Variants in COL4A2 observed in about 807,000 individuals in gnomAD.
COL4A2 encodes the protein collagen type IV alpha 2 chain.
A neutral mutation model predicts 200.2 loss-of-function variants in COL4A2; 99 were observed. That is an observed-to-expected ratio of 0.49 (90% CI 0.42 to 0.58). COL4A2 has a LOEUF of 0.58. Ranked by LOEUF, COL4A2 falls within the 20% of genes least tolerant of loss-of-function variation. COL4A2 has a pLI of 0.00. For synonymous variants in COL4A2, 897 were observed against 900.6 expected (o/e 1.00, Z 0.07); for missense variants, 1,950 against 2,314.1 (o/e 0.84, Z 3.23).
At position 110,508,547 on chromosome 13, in the gene COL4A2, AC is replaced by A. The variant is rs1883967972; in HGVS notation, c.4881+328del. Among the ~76,000 whole-genome samples the A allele has an allele frequency of 6.6e-6, 1 of 152,242 alleles. No individual in the cohort carries two copies. Among genetic ancestry groups the A allele is most frequent in the Non-Finnish European group, 1.5e-5 (1 of 68,038 alleles). ...CCAAAGGTGCAGCTGCTTTGGGTTT[AC>A]CAGAAGTCTAAATATATGGGAGACT... On this transcript the variant is annotated intron_variant, in intron 47 of 47. Coordinates refer to ENST00000360467, the MANE Select transcript of COL4A2 (RefSeq NM_001846.4). This position sits in a 1 kb window ranked among gnomAD's most constrained non-coding sequence, Gnocchi z 6.1.
At chr13:110,510,069 G>C (rs1884034745) in intron 47 of COL4A2, among the ~76,000 whole-genome samples, 1 of 152,200 alleles carries the variant, frequency 6.6e-6, no homozygotes, top group Non-Finnish European at 1.5e-5. Context: ...AGGGCTGCTG[G>C]CATCTCAGCA....
chr13:110,355,855 T>C (rs9521712), intron 3 of COL4A2, among the ~76,000 whole-genome samples: 2,017 of 30,184 alleles, frequency 0.067, 342 homozygotes, highest in African/African-American at 0.27. Context: ...GGGAGGGCTG[T>C]ACTAGCTCAC....
chr13:110,436,502 A>G, intron 13 of COL4A2, 135 bp downstream of exon 13: 6 of 1,206,760 alleles, frequency 5.0e-6, no homozygotes, highest in East Asian at 2.6e-5. Flanking sequence ...CCATGAAAAC[A>G]TAACCGGGTC....
intron 4 of COL4A2, among the ~76,000 whole-genome samples, chr13:110,420,970 G>A (rs1880227673): frequency 6.6e-6 from 1 of 152,190 alleles, no homozygotes; most frequent in Non-Finnish European, 1.5e-5. Context: ...CTCTCAGCGG[G>A]GAAGCTGGAT....
At position 110,392,585 on chromosome 13, in the gene COL4A2, C is replaced by A. The variant is rs371354421; in HGVS notation, c.181-32149C>A. On this transcript the variant is annotated intron_variant, in intron 4 of 47. Transcript: ENST00000360467. ...GTTCACCCAAAAATGTATTGTGCAG[C>A]AGCAGATGTCCCCTACCCCATGCAG... Among the ~76,000 whole-genome samples the A allele has an allele frequency of 3.3e-4, 50 of 152,280 alleles. No individual in the cohort carries two copies. The South Asian group carries it at 8.1e-3, about 25-fold the overall frequency.
chr13:110,389,233 G>A (rs985779673), intron 4 of COL4A2, among the ~76,000 whole-genome samples: 6 of 152,232 alleles, frequency 3.9e-5, no homozygotes, highest in Non-Finnish European at 5.9e-5. Flanking sequence ...CCCGGCCAAA[G>A]ATCACATCGC....
intron 13 of COL4A2, among the ~76,000 whole-genome samples, chr13:110,437,233 G>A (rs1880924353): frequency 6.6e-6 from 1 of 152,206 alleles, no homozygotes; most frequent in Admixed American, 6.5e-5. Context: ...CTCGAGTTAT[G>A]AGTGACCGTT....
Position 110,495,290 on chromosome 13 carries a change from A to G in COL4A2, c.3635-52A>G, listed in dbSNP as rs376824557. 7.2e-4 allele frequency: 1,160 copies of G among 1,612,526 alleles called. 9 individuals carry two copies. Among genetic ancestry groups the G allele is most frequent in the South Asian group, 5.5e-3 (498 of 90,798 alleles). On this transcript the variant is annotated intron_variant, in intron 39 of 47. Coordinates refer to ENST00000360467, the MANE Select transcript of COL4A2 (RefSeq NM_001846.4). Reference sequence around the variant, plus strand: ...AGCTGTTCTTTCACTTAGGAAAGTCAACTGTATGGTTGGAAACACCGACAT... The same window carrying G: ...AGCTGTTCTTTCACTTAGGAAAGTCGACTGTATGGTTGGAAACACCGACAT...
chr13:110,477,151 C>G (rs1428917744), intron 29 of COL4A2, among the ~76,000 whole-genome samples: 1 of 152,074 alleles, frequency 6.6e-6, no homozygotes, highest in East Asian at 1.9e-4. Flanking sequence ...GAGTTTGAAA[C>G]CAGCCTAGGC....
At chr13:110,500,791 G>C (rs1373487447) in intron 40 of COL4A2, among the ~76,000 whole-genome samples, 3 of 152,144 alleles carry the variant, frequency 2.0e-5, no homozygotes, top group African/African-American at 7.2e-5. Flanking sequence ...TGCTGATTCA[G>C]GAACAGTCAA....
At chr13:110,311,799 C>T (rs543590959) in intron 3 of COL4A2, among the ~76,000 whole-genome samples, 59 of 152,340 alleles carry the variant, frequency 3.9e-4, no homozygotes, top group African/African-American at 1.2e-3. Context: ...GACCTCTGGC[C>T]GGGACCTGGG....
intron 28 of COL4A2, among the ~76,000 whole-genome samples, chr13:110,470,322 C>T (rs908853591): frequency 5.9e-5 from 9 of 152,172 alleles, no homozygotes; most frequent in African/African-American, 2.2e-4. Flanking sequence ...CAGGTTCCTG[C>T]AGCCTCTGCT....
At chr13:110,371,758 T>G (rs1433401391) in intron 4 of COL4A2, among the ~76,000 whole-genome samples, 1 of 152,070 alleles carries the variant, frequency 6.6e-6, no homozygotes, top group Non-Finnish European at 1.5e-5. Flanking sequence ...CGGCGGGCCG[T>G]CTGGGATATG....
At chr13:110,430,668 C>G (rs1344200665) in intron 10 of COL4A2, 61 bp downstream of exon 10, 2 of 1,604,426 alleles carry the variant, frequency 1.2e-6, no homozygotes, top group African/African-American at 1.3e-5. Flanking sequence ...CTTCCAGATG[C>G]CACTTCTTCA....
chr13:110,419,255 G>T (rs1431740093), intron 4 of COL4A2, among the ~76,000 whole-genome samples: 1 of 152,184 alleles, frequency 6.6e-6, no homozygotes, highest in Admixed American at 6.5e-5. Flanking sequence ...TTCAGATTTC[G>T]GCTGGTAAGT....
chr13:110,431,477 C>T (rs1880679207), intron 10 of COL4A2, among the ~76,000 whole-genome samples: 1 of 152,180 alleles, frequency 6.6e-6, no homozygotes, highest in Non-Finnish European at 1.5e-5. Context: ...AAGCAAATTT[C>T]CCCGGTGCTG....
Position 110,495,310 on chromosome 13 carries a change from C to T in COL4A2, c.3635-32C>T, listed in dbSNP as rs767253394. On this transcript the variant is annotated intron_variant, in intron 39 of 47. Coordinates refer to ENST00000360467, the MANE Select transcript of COL4A2 (RefSeq NM_001846.4). ...AAGTCAACTGTATGGTTGGAAACACCGACATCAGCTGCTGTTATAACTCTT... is the reference window on the plus strand; with the variant it reads ...AAGTCAACTGTATGGTTGGAAACACTGACATCAGCTGCTGTTATAACTCTT... The T allele has an allele frequency of 2.2e-5, 35 of 1,613,566 alleles. No individual in the cohort carries two copies. The African/African-American group carries it at 2.8e-4, about 13-fold the overall frequency.
chr13:110,343,882 A>G lies in COL4A2; in HGVS notation c.100-13590A>G, dbSNP rs1876580332. Among the ~76,000 whole-genome samples, 3 of 152,228 alleles carry G rather than the reference A, an allele frequency of 2.0e-5. No individual in the cohort carries two copies. The South Asian group carries it at 6.2e-4, about 31-fold the overall frequency. Reference sequence around the variant, plus strand: ...TAAACTGAAGGTACTTCTCTGGAATAAATAGCTTCAAGAGATGGACCCACT... The same window carrying G: ...TAAACTGAAGGTACTTCTCTGGAATGAATAGCTTCAAGAGATGGACCCACT... On this transcript the variant is annotated intron_variant, in intron 3 of 47. Coordinates refer to ENST00000360467, the MANE Select transcript of COL4A2 (RefSeq NM_001846.4).
chr13:110,504,908 G>A (rs776553149), intron 45 of COL4A2, among the ~76,000 whole-genome samples: 2 of 151,400 alleles, frequency 1.3e-5, no homozygotes, highest in East Asian at 1.9e-4. Flanking sequence ...GTGCCTGGTC[G>A]TCTTATTTTT....
Sources: gnomAD v4.1 joint callset for allele counts (sites outside exome capture counted in the v4.1 genomes callset) on GRCh38, gnomAD v4.1.1 for gene constraint, Gnocchi (gnomAD v3.1) non-coding constraint, MANE v1.5 for transcripts, NCBI Gene and HGNC (gene_info 2026-07-23, HGNC 2026-07-21) for gene names.